Variants in KCNB2 observed in about 807,000 individuals in gnomAD.
KCNB2 encodes the protein potassium voltage-gated channel subfamily B member 2.
In KCNB2, 15 loss-of-function variants were observed where a neutral mutation model predicts 61.5. The observed-to-expected ratio is 0.24, with a 90% CI of 0.16 to 0.38. The LOEUF (loss-of-function observed/expected upper bound fraction) is 0.38, where lower values mean the gene tolerates loss of function less well. Among genes scored for constraint, KCNB2 ranks in the 10% least tolerant of loss-of-function variants. The pLI is 1.00. For missense variants in KCNB2, 828 were observed against 1,125.2 expected (o/e 0.74, Z 3.78); for synonymous variants, 457 against 446.0 (o/e 1.02, Z -0.31).
intron 1 of KCNB2, among the ~76,000 whole-genome samples, chr8:72,546,640 A>G (rs1806263087): frequency 6.6e-6 from 1 of 152,102 alleles, no homozygotes; most frequent in African/African-American, 2.4e-5. Context: ...AGATTTTTAA[A>G]ATTTCTTTAG....
chr8:72,659,723 A>G (rs990172174), intron 2 of KCNB2, among the ~76,000 whole-genome samples: 6 of 152,214 alleles, frequency 3.9e-5, no homozygotes, highest in African/African-American at 1.4e-4. Context: ...GTAGCCATCA[A>G]CAATGAGGGC....
intron 2 of KCNB2, among the ~76,000 whole-genome samples, chr8:72,804,958 G>A (rs2129000022): frequency 6.6e-6 from 1 of 152,236 alleles, no homozygotes; most frequent in South Asian, 2.1e-4. Flanking sequence ...GTTGCAATGA[G>A]AATATCAACC....
chr8:72,778,733 CAAAAAAAAAAAA>C (rs753797385), intron 2 of KCNB2, among the ~76,000 whole-genome samples: 68 of 14,164 alleles, frequency 4.8e-3, no homozygotes, highest in African/African-American at 0.015. Flanking sequence ...ACAGAGCGAG[CAAAAAAAAAAAA>C]AAAAAAAAAA....
intron 2 of KCNB2, among the ~76,000 whole-genome samples, chr8:72,672,610 T>A (rs1485703706): frequency 3.3e-5 from 5 of 152,090 alleles, no homozygotes; most frequent in Admixed American, 6.6e-5. Context: ...GTGTTTTTGA[T>A]GTCTTGAATT....
At chr8:72,818,688 G>GCT (rs2129000919) in intron 2 of KCNB2, among the ~76,000 whole-genome samples, 1 of 151,998 alleles carries the variant, frequency 6.6e-6, no homozygotes, top group Non-Finnish European at 1.5e-5. Flanking sequence ...TAATTTTTAG[G>GCT]CTCTGTATTT....
chr8:72,706,747 G>T (rs1196353562), intron 2 of KCNB2, among the ~76,000 whole-genome samples: 4 of 152,312 alleles, frequency 2.6e-5, no homozygotes, highest in African/African-American at 9.6e-5. Flanking sequence ...TTGAAGAATA[G>T]GGATGGGCAA....
At chr8:72,780,476 G>A (rs1451687967) in intron 2 of KCNB2, among the ~76,000 whole-genome samples, 1 of 152,114 alleles carries the variant, frequency 6.6e-6, no homozygotes, top group African/African-American at 2.4e-5. Context: ...CAGATTTTAA[G>A]TCTGTTCCTA....
At chr8:72,568,628 AG>A (rs976541972) in intron 2 of KCNB2, among the ~76,000 whole-genome samples, 4 of 152,214 alleles carry the variant, frequency 2.6e-5, no homozygotes, top group African/African-American at 7.2e-5. Context: ...AGAAAGCCCT[AG>A]CTCAGACCCA....
intron 2 of KCNB2, among the ~76,000 whole-genome samples, chr8:72,672,151 A>G (rs2128988271): frequency 6.6e-6 from 1 of 152,326 alleles, no homozygotes; most frequent in Middle Eastern, 3.4e-3. Context: ...TTGTTTAAAT[A>G]TCTAAAGGTG....
At chr8:72,888,733 G>A (rs1173839733) in intron 2 of KCNB2, among the ~76,000 whole-genome samples, 2 of 152,102 alleles carry the variant, frequency 1.3e-5, no homozygotes, top group African/African-American at 4.8e-5. Context: ...GTAAAACTAT[G>A]GGATATAGAC....
intron 2 of KCNB2, among the ~76,000 whole-genome samples, chr8:72,708,083 C>G (rs1201894471): frequency 1.3e-5 from 2 of 152,138 alleles, no homozygotes; most frequent in Non-Finnish European, 2.9e-5. Flanking sequence ...ACACCATAGC[C>G]CACTGCAGCC....
At chr8:72,908,314 T>C (rs572165250) in intron 2 of KCNB2, among the ~76,000 whole-genome samples, 1 of 152,334 alleles carries the variant, frequency 6.6e-6, no homozygotes, top group African/African-American at 2.4e-5. Context: ...GCATAGAACC[T>C]CAGTGTTTCC....
At chr8:72,860,545 G>A (rs150179226) in intron 2 of KCNB2, among the ~76,000 whole-genome samples, 54 of 152,346 alleles carry the variant, frequency 3.5e-4, no homozygotes, top group African/African-American at 1.2e-3. Context: ...GTAATGGGCA[G>A]AGTCCTTCAA....
chr8:72,596,265 T>C (rs1165973729), intron 2 of KCNB2, among the ~76,000 whole-genome samples: 1 of 152,204 alleles, frequency 6.6e-6, no homozygotes, highest in Non-Finnish European at 1.5e-5. Context: ...GTCAAGAGAC[T>C]AGGTAATATG....
intron 2 of KCNB2, among the ~76,000 whole-genome samples, chr8:72,918,467 G>A (rs1419493672): frequency 6.6e-6 from 1 of 152,228 alleles, no homozygotes; most frequent in African/African-American, 2.4e-5. Flanking sequence ...GAAAGCCTAA[G>A]GGCCACAGAT....
intron 2 of KCNB2, among the ~76,000 whole-genome samples, chr8:72,681,659 A>G (rs1219143944): frequency 1.3e-5 from 2 of 152,238 alleles, no homozygotes; most frequent in African/African-American, 4.8e-5. Flanking sequence ...TAACATAGTC[A>G]TTTAATATAA....
intron 2 of KCNB2, among the ~76,000 whole-genome samples, chr8:72,900,884 C>T (rs1806078815): frequency 6.6e-6 from 1 of 152,054 alleles, no homozygotes; most frequent in Non-Finnish European, 1.5e-5. Context: ...AACACTTATA[C>T]AACATTGGTA....
Position 72,782,412 on chromosome 8 carries a change from A to G in KCNB2, c.580-153523A>G, listed in dbSNP as rs139835234. Among the ~76,000 whole-genome samples, 105 of 152,200 alleles carry G rather than the reference A, an allele frequency of 6.9e-4. 1 individual carries two copies. The highest frequency in any genetic ancestry group is 2.4e-3 in the African/African-American group (98 of 41,552). Reference sequence around the variant, plus strand: ...TCGCCACCACGACTCTCTCCCCTCTATGAAACCCCCTAATAAAATCCCATG... The same window carrying G: ...TCGCCACCACGACTCTCTCCCCTCTGTGAAACCCCCTAATAAAATCCCATG... On this transcript the variant is annotated intron_variant, in intron 2 of 2. Transcript: ENST00000523207.
chr8:72,591,436 A>C (rs1807097332), intron 2 of KCNB2, among the ~76,000 whole-genome samples: 1 of 152,208 alleles, frequency 6.6e-6, no homozygotes, highest in Admixed American at 6.5e-5. Context: ...CATGCATAAA[A>C]GAAGGTGGAC....
Sources: allele counts gnomAD v4.1 joint callset (sites outside exome capture counted in the v4.1 genomes callset), GRCh38; gene constraint gnomAD v4.1.1; transcripts MANE v1.5; gene names NCBI Gene and HGNC (gene_info 2026-07-23, HGNC 2026-07-21).